Variants in DLG1 observed in about 807,000 individuals in gnomAD.
DLG1 encodes discs large MAGUK scaffold protein 1.
DLG1 carries 42 observed loss-of-function variants against 123.4 expected under a neutral mutation model. The ratio of observed to expected loss-of-function variants is 0.34; its 90% confidence interval spans 0.27 to 0.44. DLG1 has a LOEUF of 0.44. Among genes scored for constraint, DLG1 ranks in the 20% least tolerant of loss-of-function variants. The pLI, the probability that DLG1 is intolerant of heterozygous loss-of-function variation, is 1.00. For missense variants in DLG1, 942 were observed against 1,082.6 expected, an observed-to-expected ratio of 0.87 and a Z score of 1.82; for synonymous variants, 317 against 356.2, an observed-to-expected ratio of 0.89 and a Z score of 1.24.
rs1048590750 is a variant in DLG1, at chr3:197,150,830, C to G, written c.484-1034G>C. ...CACAGCTAAATGATATGACAAAATG[C>G]TTAAAGACAACCTAGTTTCATGGTT... On this transcript the variant is annotated intron_variant, in intron 5 of 24. Transcript: ENST00000667157. Among the ~76,000 whole-genome samples, 7 of 152,076 alleles carry G rather than the reference C, an allele frequency of 4.6e-5. No homozygotes were observed. In the East Asian group the frequency reaches 1.2e-3, roughly 25 times the overall value.
intron 4 of DLG1, among the ~76,000 whole-genome samples, chr3:197,253,028 G>T (rs901675219): frequency 6.6e-6 from 1 of 152,076 alleles, no homozygotes; most frequent in African/African-American, 2.4e-5. Flanking sequence ...CTAGGGTTAG[G>T]CAAAGAGTTA....
At position 197,235,634 on chromosome 3, in the gene DLG1, C is replaced by G. The variant is rs544696510; in HGVS notation, c.319-41045G>C. 3.0e-4 allele frequency among the ~76,000 whole-genome samples: 45 copies of G among 152,296 alleles called. 2 individuals carry two copies. In the South Asian group the frequency reaches 6.8e-3, roughly 23 times the overall value. Reference sequence around the variant, plus strand: ...AAGCTTTAAAAAGTCTTGAACTGATCAACCTTATCTGCAAATGACTTAATT... The same window carrying G: ...AAGCTTTAAAAAGTCTTGAACTGATGAACCTTATCTGCAAATGACTTAATT... On this transcript the variant is annotated intron_variant, in intron 4 of 24. Transcript: ENST00000667157.
chr3:197,057,806 A>G (rs779871919), intron 23 of DLG1, among the ~76,000 whole-genome samples: 4 of 151,970 alleles, frequency 2.6e-5, no homozygotes, highest in Non-Finnish European at 5.9e-5. Context: ...CTTGCCTGAT[A>G]TTCACATTGA....
intron 24 of DLG1, among the ~76,000 whole-genome samples, chr3:197,048,565 A>C (rs1042743614): frequency 2.0e-5 from 3 of 152,244 alleles, no homozygotes; most frequent in Non-Finnish European, 2.9e-5. Flanking sequence ...CAATGGTATG[A>C]AGAAAAGGGA....
chr3:197,192,492 GAGAA>G (rs996514579), intron 5 of DLG1, among the ~76,000 whole-genome samples: 1 of 151,852 alleles, frequency 6.6e-6, no homozygotes, highest in African/African-American at 2.4e-5. Context: ...ATGATAAAAA[GAGAA>G]AGGAAGAAAA....
chr3:197,084,777 G>GATAGAT (rs1026582230), intron 16 of DLG1, among the ~76,000 whole-genome samples: 36 of 150,794 alleles, frequency 2.4e-4, no homozygotes, highest in South Asian at 6.3e-4. Flanking sequence ...TATATATATA[G>GATAGAT]ATAGATATAG....
At chr3:197,204,591 CTCCATATCTGTGAGT>C (rs1263822626) in intron 4 of DLG1, among the ~76,000 whole-genome samples, 1 of 152,190 alleles carries the variant, frequency 6.6e-6, no homozygotes, top group Non-Finnish European at 1.5e-5. Flanking sequence ...CTAGTCAGCT[CTCCATATCTGTGAGT>C]TCCATATCTA....
intron 4 of DLG1, among the ~76,000 whole-genome samples, chr3:197,205,912 G>A (rs757820721): frequency 3.3e-5 from 5 of 152,140 alleles, no homozygotes; most frequent in Admixed American, 6.5e-5. Flanking sequence ...CCAATGTCAG[G>A]CCAAGTCCTT....
intron 4 of DLG1, among the ~76,000 whole-genome samples, chr3:197,207,016 G>A (rs1013269874): frequency 6.6e-6 from 1 of 152,152 alleles, no homozygotes; most frequent in Non-Finnish European, 1.5e-5. Context: ...AAGTTGTAGT[G>A]GAACACAGCC....
intron 15 of DLG1, among the ~76,000 whole-genome samples, chr3:197,088,520 C>T (rs1022352021): frequency 1.3e-5 from 2 of 152,150 alleles, no homozygotes; most frequent in African/African-American, 4.8e-5. Context: ...GGAGGATGTG[C>T]TCTAGGAAGA....
At chr3:197,256,145 C>CT (rs1756774778) in intron 4 of DLG1, among the ~76,000 whole-genome samples, 1 of 152,164 alleles carries the variant, frequency 6.6e-6, no homozygotes, top group Non-Finnish European at 1.5e-5. Flanking sequence ...TAAAATGATT[C>CT]TTTTTAGATA....
chr3:197,079,193 A>G (rs1218790629), intron 17 of DLG1, among the ~76,000 whole-genome samples: 1 of 152,200 alleles, frequency 6.6e-6, no homozygotes, highest in Non-Finnish European at 1.5e-5. Flanking sequence ...ATATCGCAAG[A>G]GAGACAGTGT....
At chr3:197,241,687 T>TA (rs1333710187) in intron 4 of DLG1, among the ~76,000 whole-genome samples, 1 of 152,142 alleles carries the variant, frequency 6.6e-6, no homozygotes, top group Non-Finnish European at 1.5e-5. Flanking sequence ...AATGAATTCT[T>TA]AGAGGGAGGG....
chr3:197,268,132 T>G (rs542287602), intron 4 of DLG1, among the ~76,000 whole-genome samples: 54 of 152,158 alleles, frequency 3.5e-4, no homozygotes, highest in Non-Finnish European at 6.9e-4. Flanking sequence ...TAGGAGCACA[T>G]GAGATATCAC....
rs114766074 is a variant in DLG1 at position 197,278,361 on chromosome 3, T to C, written c.318+4318A>G. Among the ~76,000 whole-genome samples the C allele has an allele frequency of 8.8e-3, 1,220 of 138,630 alleles. 18 individuals are homozygous for C. Among genetic ancestry groups the C allele is most frequent in the African/African-American group, 0.031 (1,152 of 37,482 alleles). The allele number at this position is 138,630 out of a possible 152,430, so 90.9% of individuals were successfully genotyped here. On this transcript the variant is annotated intron_variant, in intron 4 of 24. Coordinates refer to ENST00000667157, the MANE Select transcript of DLG1 (RefSeq NM_001366207.1). The stretch of plus-strand genomic sequence containing the variant: ...GGTGCACACATGTAGGCCCAGCTAC[T>C]CAGTAGGCTGAGGCAGGATGATCCC...
chr3:197,171,533 A>G (rs1804194300), intron 5 of DLG1, among the ~76,000 whole-genome samples: 1 of 152,190 alleles, frequency 6.6e-6, no homozygotes, highest in Non-Finnish European at 1.5e-5. Context: ...GTAAATAGGA[A>G]AACAGATCTA....
intron 22 of DLG1, among the ~76,000 whole-genome samples, chr3:197,064,843 G>A (rs979188438): frequency 6.6e-6 from 1 of 151,340 alleles, no homozygotes; most frequent in Non-Finnish European, 1.5e-5. Flanking sequence ...GTCTTGTTCT[G>A]TTGCCCAGGC....
At chr3:197,186,125 C>A (rs1055752283) in intron 5 of DLG1, among the ~76,000 whole-genome samples, 5 of 152,110 alleles carry the variant, frequency 3.3e-5, no homozygotes, top group African/African-American at 1.2e-4. Flanking sequence ...ACATGACCTA[C>A]AAAAATCTAG....
intron 4 of DLG1, among the ~76,000 whole-genome samples, chr3:197,248,585 C>T (rs1056836113): frequency 3.3e-5 from 5 of 152,210 alleles, no homozygotes; most frequent in Non-Finnish European, 7.3e-5. Flanking sequence ...CAAGAGCACA[C>T]TGAACAAAGG....
Sources: gnomAD v4.1 joint callset for allele counts (sites outside exome capture counted in the v4.1 genomes callset) on GRCh38, gnomAD v4.1.1 for gene constraint, MANE v1.5 for transcripts, NCBI Gene and HGNC (gene_info 2026-07-23, HGNC 2026-07-21) for gene names.